The following CSMD1 variants were observed in gnomAD, a reference collection of about 807,000 sequenced individuals.
CSMD1 encodes CUB and sushi domain-containing protein 1.
In CSMD1, 213 loss-of-function variants were observed where a neutral mutation model predicts 417.5. That is an observed-to-expected ratio of 0.51 (90% CI 0.46 to 0.57). CSMD1 has a LOEUF of 0.57. Ranked by LOEUF, CSMD1 falls within the 20% of genes least tolerant of loss-of-function variation. The probability of loss-of-function intolerance (pLI) is 0.00; values close to 1 mark genes in which losing one functional copy is unlikely to be tolerated. For missense variants in CSMD1, 6,923 were observed against 4,529.7 expected (o/e 1.53, Z -15.17); for synonymous variants, 2,862 against 1,736.8 (o/e 1.65, Z -16.11).
intron 2 of CSMD1, among the ~76,000 whole-genome samples, chr8:4,614,410 G>C (rs1801359047): frequency 6.6e-6 from 1 of 152,150 alleles, no homozygotes; most frequent in Admixed American, 6.6e-5. Flanking sequence ...ATTAAGGTCA[G>C]AAAATCCAGC....
At chr8:4,180,744 G>T (rs144328659) in intron 3 of CSMD1, among the ~76,000 whole-genome samples, 1 of 152,198 alleles carries the variant, frequency 6.6e-6, no homozygotes, top group East Asian at 1.9e-4. Context: ...GGCACTAACT[G>T]TTAGAATTCC....
intron 3 of CSMD1, among the ~76,000 whole-genome samples, chr8:4,223,590 A>G (rs923707188): frequency 1.5e-4 from 23 of 152,356 alleles, no homozygotes; most frequent in African/African-American, 5.5e-4. Flanking sequence ...AATGTTCATC[A>G]AAGCAGGTTG....
intron 2 of CSMD1, among the ~76,000 whole-genome samples, chr8:4,507,860 C>A (rs1308935937): frequency 1.3e-5 from 2 of 152,082 alleles, no homozygotes; most frequent in Non-Finnish European, 2.9e-5. Flanking sequence ...AAATTATACA[C>A]TGGTCAATTT....
intron 1 of CSMD1, among the ~76,000 whole-genome samples, chr8:4,864,992 T>G (rs1386635907): frequency 6.6e-6 from 1 of 151,190 alleles, no homozygotes; most frequent in Non-Finnish European, 1.5e-5. Context: ...ATTTGAAAAT[T>G]TAGTCTGATT....
chr8:3,087,994 C>A (rs568255100), intron 48 of CSMD1, among the ~76,000 whole-genome samples: 144 of 152,262 alleles, frequency 9.5e-4, no homozygotes, highest in African/African-American at 3.4e-3. Flanking sequence ...TTCAGTGAAA[C>A]TTCTGGACTG....
At chr8:4,087,767 A>G (rs1231440605) in intron 3 of CSMD1, among the ~76,000 whole-genome samples, 11 of 151,912 alleles carry the variant, frequency 7.2e-5, no homozygotes, top group Non-Finnish European at 1.3e-4. Context: ...TCTTCTTTCT[A>G]TATTTTCTCT....
chr8:3,828,891 T>A (rs1283060194), intron 5 of CSMD1, among the ~76,000 whole-genome samples: 1 of 152,154 alleles, frequency 6.6e-6, no homozygotes, highest in Non-Finnish European at 1.5e-5. Context: ...CAACCCCATG[T>A]TCACTGTAGT....
At chr8:4,218,306 G>A (rs1049045057) in intron 3 of CSMD1, among the ~76,000 whole-genome samples, 17 of 152,162 alleles carry the variant, frequency 1.1e-4, no homozygotes, top group Admixed American at 1.0e-3. Context: ...CCTATACTGT[G>A]AATTCTTAGC....
At chr8:3,929,507 G>A (rs1809988086) in intron 5 of CSMD1, among the ~76,000 whole-genome samples, 1 of 150,362 alleles carries the variant, frequency 6.7e-6, no homozygotes, top group East Asian at 2.0e-4. Flanking sequence ...TCTGCATATT[G>A]AAATTCAAAG....
rs192371400 is a variant in CSMD1 at position 4,347,364 on chromosome 8, T to C, written c.415+72589A>G. ...ACTACATAATATAATCGATACTCTC[T>C]GCTCTTTGATTTCTTGGGACATCTA... On this transcript the variant is annotated intron_variant, in intron 3 of 69. Transcript: ENST00000635120. 1.1e-4 allele frequency among the ~76,000 whole-genome samples: 16 copies of C among 152,308 alleles called. No homozygotes were observed. The East Asian group carries it at 3.1e-3, about 29-fold the overall frequency.
At chr8:3,482,344 A>C (rs1489503360) in intron 11 of CSMD1, among the ~76,000 whole-genome samples, 2 of 152,232 alleles carry the variant, frequency 1.3e-5, no homozygotes, top group Non-Finnish European at 2.9e-5. Context: ...TACCATGTAA[A>C]TATTAATAAT....
At chr8:3,331,878 G>A (rs752591083) in intron 23 of CSMD1, among the ~76,000 whole-genome samples, 75 of 152,194 alleles carry the variant, frequency 4.9e-4, no homozygotes, top group Non-Finnish European at 9.8e-4. Context: ...TGTAAGAGTA[G>A]AGTGTCCTGT....
rs532201759 is a variant in CSMD1, at chr8:4,339,576, T to A, written c.415+80377A>T. On this transcript the variant is annotated intron_variant, in intron 3 of 69. Coordinates refer to ENST00000635120, the MANE Select transcript of CSMD1 (RefSeq NM_033225.6). ...TCTTTCATAAATAACTTTCGGTTGT[T>A]TATTTCATCGTGCAAAGAACAGGTG... Among the ~76,000 whole-genome samples, 4 of 152,222 alleles carry A rather than the reference T, an allele frequency of 2.6e-5. No homozygotes were observed. In the South Asian group the frequency reaches 8.3e-4, roughly 32 times the overall value.
At chr8:3,406,297 A>C (rs1812338073) in intron 14 of CSMD1, 76 bp from the exon 15 acceptor site, 3 of 1,222,962 alleles carry the variant, frequency 2.5e-6, no homozygotes, top group East Asian at 2.5e-5. Flanking sequence ...AGAAGAAAAC[A>C]GAACAAGCTT....
chr8:4,403,245 C>G (rs1043599607), intron 3 of CSMD1, among the ~76,000 whole-genome samples: 2 of 152,144 alleles, frequency 1.3e-5, no homozygotes, highest in Non-Finnish European at 2.9e-5. Flanking sequence ...ATCATTTCTC[C>G]TACGTTAAAG....
intron 2 of CSMD1, among the ~76,000 whole-genome samples, chr8:4,428,112 C>G (rs1300966382): frequency 1.3e-5 from 2 of 152,214 alleles, no homozygotes; most frequent in African/African-American, 4.8e-5. Flanking sequence ...GGATACATCT[C>G]TGATGCCTGT....
intron 1 of CSMD1, among the ~76,000 whole-genome samples, chr8:4,743,073 T>C (rs1810727200): frequency 6.6e-6 from 1 of 152,174 alleles, no homozygotes; most frequent in South Asian, 2.1e-4. Flanking sequence ...AATTATTACA[T>C]TAAAATTGGC....
intron 3 of CSMD1, among the ~76,000 whole-genome samples, chr8:4,311,978 A>G (rs1421740173): frequency 6.6e-6 from 1 of 152,158 alleles, no homozygotes. Context: ...AAACAAAATA[A>G]AAATTATTCA....
chr8:3,261,455 C>T (rs1264784423), intron 26 of CSMD1, among the ~76,000 whole-genome samples: 4 of 152,092 alleles, frequency 2.6e-5, no homozygotes, highest in Admixed American at 2.6e-4. Context: ...CTACAAATCA[C>T]CACTGAAGAA....
Sources: gnomAD v4.1 joint callset for allele counts (sites outside exome capture counted in the v4.1 genomes callset) on GRCh38, gnomAD v4.1.1 for gene constraint, MANE v1.5 for transcripts, NCBI Gene and HGNC (gene_info 2026-07-23, HGNC 2026-07-21) for gene names.